The following GFOD2 variants were observed in gnomAD, a reference collection of about 807,000 sequenced individuals.
The protein encoded by GFOD2 is glucose-fructose oxidoreductase domain-containing protein 2.
A neutral mutation model predicts 24.6 loss-of-function variants in GFOD2; 9 were observed. The observed-to-expected ratio is 0.37, with a 90% CI of 0.22 to 0.64. The LOEUF (loss-of-function observed/expected upper bound fraction) is 0.64. Ranked by LOEUF, GFOD2 falls within the 30% of genes least tolerant of loss-of-function variation. GFOD2 has a pLI of 0.65. For missense variants in GFOD2, 476 were observed against 532.5 expected (o/e 0.89, Z 1.04); for synonymous variants, 211 against 224.8 (o/e 0.94, Z 0.55).
chr16:67,680,893 CTTT>C, intron 2 of GFOD2: 1 of 985,430 alleles, frequency 1.0e-6, no homozygotes, highest in Non-Finnish European at 1.2e-6. Flanking sequence ...TCCTGCTCTT[CTTT>C]AATAAAAGAA....
chr16:67,687,260 T>G (rs1272314333), intron 1 of GFOD2, among the ~76,000 whole-genome samples: 2 of 151,840 alleles, frequency 1.3e-5, no homozygotes, highest in African/African-American at 4.8e-5. Context: ...ATTTTCATGG[T>G]AGCAAACATA....
rs1417101316 is a variant in GFOD2 at position 67,681,018 on chromosome 16, A to T, written c.259+4439T>A. 9 of 985,456 alleles carry T rather than the reference A, an allele frequency of 9.1e-6. 1 individual carries two copies. The Admixed American group carries it at 5.5e-4, about 61-fold the overall frequency. The allele number at this position is 985,456 out of a possible 1,614,324, so 61.0% of individuals were successfully genotyped here. On this transcript the variant is annotated intron_variant, in intron 2 of 2. Coordinates refer to ENST00000268797, the MANE Select transcript of GFOD2 (RefSeq NM_030819.4). ...GGCCCGGCAGGGAGAGTAGCCCCTG[A>T]CTGCTAGCACTACTGCTTCTGGAGG...
intron 1 of GFOD2, among the ~76,000 whole-genome samples, chr16:67,703,460 A>T (rs1224625482): frequency 1.3e-5 from 2 of 152,170 alleles, no homozygotes; most frequent in African/African-American, 2.4e-5. Flanking sequence ...ATTTCCTAGC[A>T]TTCCTTGTAA....
chr16:67,701,492 G>A lies in GFOD2; in HGVS notation c.-87-15690C>T, dbSNP rs117428867. On this transcript the variant is annotated intron_variant, in intron 1 of 2. Transcript: ENST00000268797. ...AAATGCATTCTGCTAACTGAAAGAT[G>A]CCCTACTTAAAGGCACCATACTGTG... is the stretch of plus-strand genomic sequence containing the variant. Among the ~76,000 whole-genome samples the A allele has an allele frequency of 6.9e-3, 1,043 of 152,246 alleles. 41 individuals carry two copies. Among genetic ancestry groups the A allele is most frequent in the Admixed American group, 0.056 (861 of 15,260 alleles).
chr16:67,675,695 C>A lies in GFOD2; in HGVS notation c.618G>T (p.Arg206Ser). The A allele has an allele frequency of 6.2e-7, 1 of 1,613,914 alleles. No homozygotes were observed. ...GGATGCCACGGATGGCAGCGTTCTG[C>A]CTCACGAATGTCTTGAGCAGCCCGT... is the stretch of plus-strand genomic sequence containing the variant. Reference protein sequence around the residue: ...KVHGLLKTFVRQNAAIRGIRH... With the variant: ...KVHGLLKTFVSQNAAIRGIRH... Residue 206 changes from arginine to serine, a missense_variant, in exon 3 of 3, where the codon AGG (arginine) becomes AGT (serine). Arg to Ser is a moderately radical substitution (Grantham distance 110). Coordinates refer to ENST00000268797, the MANE Select transcript of GFOD2 (RefSeq NM_030819.4).
chr16:67,682,601 A>C (rs992866581), intron 2 of GFOD2: 12 of 985,314 alleles, frequency 1.2e-5, no homozygotes, highest in Non-Finnish European at 1.4e-5. Context: ...GTCAGACCAA[A>C]GCAGAAAACA....
chr16:67,689,593 C>A (rs1465678592), intron 1 of GFOD2, among the ~76,000 whole-genome samples: 1 of 151,928 alleles, frequency 6.6e-6, no homozygotes. Flanking sequence ...ATTGCTGGAA[C>A]CCGGGAGGCG....
At chr16:67,717,790 C>CGATAGACAGATAGATAGATAGATAGATA (rs2053517452) in intron 1 of GFOD2, among the ~76,000 whole-genome samples, 2 of 151,040 alleles carry the variant, frequency 1.3e-5, no homozygotes, top group African/African-American at 4.9e-5. Context: ...GACTCCGTCT[C>CGATAGACAGATAGATAGATAGATAGATA]GATAGATAGA....
intron 1 of GFOD2, among the ~76,000 whole-genome samples, chr16:67,688,929 CG>C (rs1597795160): frequency 6.6e-6 from 1 of 151,546 alleles, no homozygotes; most frequent in East Asian, 2.0e-4. Context: ...TTAGTAGAGA[CG>C]GGGTTTCACC....
At chr16:67,707,811 A>G (rs911794546) in intron 1 of GFOD2, among the ~76,000 whole-genome samples, 1 of 152,114 alleles carries the variant, frequency 6.6e-6, no homozygotes, top group African/African-American at 2.4e-5. Context: ...TCAGTCTTCT[A>G]AAGTGCTGGG....
chr16:67,711,688 A>C (rs1387975607), intron 1 of GFOD2, among the ~76,000 whole-genome samples: 1 of 152,168 alleles, frequency 6.6e-6, no homozygotes, highest in East Asian at 1.9e-4. Context: ...CTCCCCACCA[A>C]ACATACTCTT....
rs2053502102 is a variant in GFOD2 at position 67,715,809 on chromosome 16, C to T, written c.-88+3354G>A. ...TGTGGATTTGTTCTAGAATTGGACC[C>T]CCTGTTATAGAGACCCCCATCTCTA... On this transcript the variant is annotated intron_variant, in intron 1 of 2. Coordinates refer to ENST00000268797, the MANE Select transcript of GFOD2 (RefSeq NM_030819.4). 2.0e-5 allele frequency among the ~76,000 whole-genome samples: 3 copies of T among 151,878 alleles called. No individual in the cohort carries two copies. In the South Asian group the frequency reaches 6.2e-4, roughly 32 times the overall value.
chr16:67,698,555 T>C (rs527277690), intron 1 of GFOD2, among the ~76,000 whole-genome samples: 11 of 152,130 alleles, frequency 7.2e-5, no homozygotes, highest in African/African-American at 1.2e-4. Flanking sequence ...TCTTGGCTCA[T>C]TGCAACCTCT....
intron 1 of GFOD2, among the ~76,000 whole-genome samples, chr16:67,692,579 CAAACA>C (rs1195113997): frequency 4.0e-5 from 6 of 150,956 alleles, no homozygotes; most frequent in East Asian, 2.0e-4. Context: ...GACTCTGTCT[CAAACA>C]AAACAAAACA....
At chr16:67,693,781 G>A (rs2053334782) in intron 1 of GFOD2, among the ~76,000 whole-genome samples, 1 of 152,034 alleles carries the variant, frequency 6.6e-6, no homozygotes, top group African/African-American at 2.4e-5. Flanking sequence ...GCCGCTGGGT[G>A]CAATGCCTCA....
intron 2 of GFOD2, chr16:67,677,660 AG>A (rs372787672): frequency 1.3e-5 from 2 of 152,464 alleles, no homozygotes; most frequent in African/African-American, 4.8e-5. Context: ...AGGACTGAGA[AG>A]GCAGGGGTGG....
At chr16:67,683,482 G>A (rs572492530) in intron 2 of GFOD2, 1 of 1,231,548 alleles carries the variant, frequency 8.1e-7, no homozygotes, top group South Asian at 4.1e-5. Flanking sequence ...GTTGACTTAG[G>A]TCTATTTCTG....
At chr16:67,715,720 A>G (rs947411838) in intron 1 of GFOD2, among the ~76,000 whole-genome samples, 1 of 152,206 alleles carries the variant, frequency 6.6e-6, no homozygotes, top group Admixed American at 6.5e-5. Flanking sequence ...TATACTGTAT[A>G]TAAGTTCTCA....
intron 1 of GFOD2, among the ~76,000 whole-genome samples, chr16:67,700,397 T>G (rs2053393449): frequency 6.7e-6 from 1 of 149,896 alleles, no homozygotes; most frequent in Admixed American, 6.7e-5. Flanking sequence ...TTAAATTTAA[T>G]TTAAAAAATA....
Sources: allele counts gnomAD v4.1 joint callset (sites outside exome capture counted in the v4.1 genomes callset), GRCh38; gene constraint gnomAD v4.1.1; transcripts MANE v1.5; gene names NCBI Gene and HGNC (gene_info 2026-07-23, HGNC 2026-07-21).